The following SH3PXD2A variants were observed in gnomAD, a reference collection of about 807,000 sequenced individuals.
SH3PXD2A encodes the protein SH3 and PX domains 2A.
In SH3PXD2A, 32 loss-of-function variants were observed where a neutral mutation model predicts 115.2. The observed-to-expected ratio is 0.28, with a 90% confidence interval of 0.21 to 0.37. SH3PXD2A has a LOEUF of 0.37. Among genes scored for constraint, SH3PXD2A ranks in the 10% least tolerant of loss-of-function variants. SH3PXD2A has a pLI of 1.00. For synonymous variants in SH3PXD2A, 610 were observed against 629.1 expected (o/e 0.97, Z 0.45); for missense variants, 1,328 against 1,498.7 (o/e 0.89, Z 1.88).
chr10:103,617,668 A>G (rs530783237), intron 10 of SH3PXD2A, among the ~76,000 whole-genome samples: 14 of 152,290 alleles, frequency 9.2e-5, no homozygotes, highest in African/African-American at 3.4e-4. Context: ...CGAGGGCAGG[A>G]TTAGGAGAAG....
In SH3PXD2A at chr10:103,599,085, G is replaced by A. The variant is rs1278347573; in HGVS notation, c.*2731C>T. On this transcript the variant is annotated 3_prime_UTR_variant, in exon 15 of 15. Transcript: ENST00000369774. Reference sequence around the variant, plus strand: ...TAAACTATAATGGCAGTGAGGAGGAGCACGGGATTAATGTAGTGGGGAGAT... The same window carrying A: ...TAAACTATAATGGCAGTGAGGAGGAACACGGGATTAATGTAGTGGGGAGAT... 3 of 152,602 alleles carry A rather than the reference G, an allele frequency of 2.0e-5. No homozygotes were observed. Among genetic ancestry groups the A allele is most frequent in the Non-Finnish European group, 4.4e-5 (3 of 68,032 alleles). 9.5% of individuals were successfully genotyped at this position (152,602 alleles called of 1,614,324 possible).
At chr10:103,685,520 C>G (rs527534050) in intron 6 of SH3PXD2A, among the ~76,000 whole-genome samples, 31 of 152,118 alleles carry the variant, frequency 2.0e-4, no homozygotes, top group African/African-American at 7.5e-4. Flanking sequence ...ATTGAGGAGT[C>G]ACTCCGGAGA....
intron 3 of SH3PXD2A, among the ~76,000 whole-genome samples, chr10:103,736,145 A>G (rs758721715): frequency 2.6e-5 from 4 of 152,238 alleles, no homozygotes; most frequent in Non-Finnish European, 5.9e-5. Context: ...TTGCAAATCA[A>G]CACAAAGTAG....
intron 6 of SH3PXD2A, among the ~76,000 whole-genome samples, chr10:103,672,677 G>A (rs373515677): frequency 3.3e-5 from 5 of 152,316 alleles, no homozygotes; most frequent in Admixed American, 1.3e-4. Flanking sequence ...TTCTGTAAAC[G>A]GGGAAAAAAC....
chr10:103,659,989 C>T (rs1326547336), intron 8 of SH3PXD2A, among the ~76,000 whole-genome samples: 1 of 152,172 alleles, frequency 6.6e-6, no homozygotes, highest in Non-Finnish European at 1.5e-5. Flanking sequence ...GCACTGCTGT[C>T]CTATGCTTTG....
chr10:103,662,043 TGG>T, intron 7 of SH3PXD2A: 1 of 718,894 alleles, frequency 1.4e-6, no homozygotes, highest in Non-Finnish European at 1.7e-6. Context: ...GAGGGCCCTC[TGG>T]CTGCAGAGAC....
intron 8 of SH3PXD2A, among the ~76,000 whole-genome samples, chr10:103,647,679 T>G (rs1024554810): frequency 6.6e-6 from 1 of 152,098 alleles, no homozygotes; most frequent in African/African-American, 2.4e-5. Flanking sequence ...ATTCTCCCCA[T>G]GCAAAGCCCA....
At chr10:103,715,757 G>T (rs1479308568) in intron 5 of SH3PXD2A, among the ~76,000 whole-genome samples, 1 of 152,236 alleles carries the variant, frequency 6.6e-6, no homozygotes. Context: ...GAACAGGCCA[G>T]ACCTGGCATT....
chr10:103,674,852 C>A (rs1458977053), intron 6 of SH3PXD2A, among the ~76,000 whole-genome samples: 1 of 150,612 alleles, frequency 6.6e-6, no homozygotes, highest in African/African-American at 2.4e-5. Flanking sequence ...ACAAACAAAA[C>A]AAAATAAAAC....
At chr10:103,693,317 C>CGCCCCGCCCCAGCCCGCCCG (rs2037784761) in intron 5 of SH3PXD2A, 1 of 150,200 alleles carries the variant, frequency 6.7e-6, no homozygotes. Context: ...CAGCCCGCCC[C>CGCCCCGCCCCAGCCCGCCCG]GCTAACTGGG....
At chr10:103,717,674 A>G (rs2038122154) in intron 5 of SH3PXD2A, among the ~76,000 whole-genome samples, 1 of 152,222 alleles carries the variant, frequency 6.6e-6, no homozygotes, top group Non-Finnish European at 1.5e-5. Flanking sequence ...AGACTTTTAG[A>G]TTCCTTATTT....
At chr10:103,718,719 T>A (rs2038138299) in intron 5 of SH3PXD2A, among the ~76,000 whole-genome samples, 1 of 151,104 alleles carries the variant, frequency 6.6e-6, no homozygotes, top group African/African-American at 2.4e-5. Flanking sequence ...AGGCAAACAC[T>A]CTTCCTTTCC....
chr10:103,607,234 G>A (rs371553189), intron 13 of SH3PXD2A, among the ~76,000 whole-genome samples: 92 of 150,816 alleles, frequency 6.1e-4, no homozygotes, highest in Middle Eastern at 7.1e-3. Flanking sequence ...GCCCCGTCTG[G>A]GAAGTGAGGA....
chr10:103,596,274 G>A lies in SH3PXD2A; in HGVS notation c.*5542C>T, dbSNP rs17738042. Reference sequence around the variant, plus strand: ...GCCTGCTCGATGACACGTCTGCAGGGGATGACCTAACTGAACCAACTCAGT... The same window carrying A: ...GCCTGCTCGATGACACGTCTGCAGGAGATGACCTAACTGAACCAACTCAGT... On this transcript the variant is annotated 3_prime_UTR_variant, in exon 15 of 15. Transcript: ENST00000369774. 4,282 of 152,602 alleles carry A rather than the reference G, an allele frequency of 0.028. 96 individuals are homozygous for A. Among genetic ancestry groups the A allele is most frequent in the Non-Finnish European group, 0.041 (2,764 of 68,022 alleles). 9.5% of individuals were successfully genotyped at this position (152,602 alleles called of 1,614,324 possible). A position where few individuals can be genotyped will look rare whatever the true frequency, so the allele number is the denominator to read the frequency against.
intron 1 of SH3PXD2A, among the ~76,000 whole-genome samples, chr10:103,838,877 T>G (rs2039570440): frequency 6.6e-6 from 1 of 152,036 alleles, no homozygotes; most frequent in Admixed American, 6.6e-5. Context: ...CTTTCCAAAA[T>G]GGAGAGAAAA....
intron 5 of SH3PXD2A, among the ~76,000 whole-genome samples, chr10:103,717,536 G>A (rs766914925): frequency 6.6e-6 from 1 of 152,176 alleles, no homozygotes; most frequent in Non-Finnish European, 1.5e-5. Context: ...GAATGAGGGC[G>A]TGGCCACTGG....
At chr10:103,729,425 G>GTGAATTCATTTGTCTGA (rs1353311469) in intron 4 of SH3PXD2A, among the ~76,000 whole-genome samples, 1 of 152,260 alleles carries the variant, frequency 6.6e-6, no homozygotes, top group African/African-American at 2.4e-5. Flanking sequence ...ACCATCACCA[G>GTGAATTCATTTGTCTGA]TGAATTCATT....
rs2036257527 is a variant in SH3PXD2A, at chr10:103,603,774, A to C, written c.1444T>G (p.Ser482Ala). Residue 482 changes from serine (S) to alanine (A), a missense_variant, in exon 15 of 15, where the codon TCA (serine) becomes GCA (alanine). Around this residue, in one of 5 missense-constraint regions of SH3PXD2A, gnomAD observed 509 missense variants for 628.3 expected, o/e 0.81. Transcript: ENST00000369774. The part of the protein sequence containing the change: ...GQKAEVIDKN[S>A]GGWWYVQIGE... ...ATCTGCACGTACCACCAGCCACCTG[A>C]GTTCTTATCAATGACCTGGGGTACG... 1.2e-6 allele frequency: 2 copies of C among 1,608,708 alleles called. No homozygotes were observed.
At chr10:103,816,017 TG>T (rs1017969495) in intron 1 of SH3PXD2A, among the ~76,000 whole-genome samples, 4 of 151,924 alleles carry the variant, frequency 2.6e-5, no homozygotes, top group African/African-American at 9.7e-5. Context: ...AAATGGCAGA[TG>T]TTGGTCAAAG....
Sources: gnomAD v4.1 joint callset for allele counts (sites outside exome capture counted in the v4.1 genomes callset) on GRCh38, gnomAD v4.1.1 for gene constraint, gnomAD v4.1.1 regional missense constraint, MANE v1.5 for transcripts, NCBI Gene and HGNC (gene_info 2026-07-23, HGNC 2026-07-21) for gene names.